The following CIB1 variants were observed in gnomAD, a reference collection of about 807,000 sequenced individuals.
The protein encoded by CIB1 is calcium and integrin-binding protein 1.
Under a neutral mutation model 25.0 loss-of-function variants are expected in CIB1, and 19 were observed. The observed-to-expected ratio is 0.76, with a 90% CI of 0.53 to 1.12. CIB1 has a LOEUF of 1.12. CIB1 is among the 50% of genes most tolerant of loss of function. The probability of loss-of-function intolerance (pLI) is 0.00; values close to 1 mark genes in which losing one functional copy is unlikely to be tolerated. For synonymous variants in CIB1, 104 were observed against 98.5 expected (o/e 1.06, Z -0.33); for missense variants, 236 against 242.6 (o/e 0.97, Z 0.18).
the CIB1 span, among the ~76,000 whole-genome samples, chr15:90,256,545 T>TTTTCTTTCTTTCTTTCTTTCTTTCTTTCC: frequency 9.5e-6 from 1 of 105,392 alleles, no homozygotes; most frequent in African/African-American, 3.2e-5. Flanking sequence ...TCTCCTTCCT[T>TTTTCTTTCTTTCTTTCTTTCTTTCTTTCC]TTTCTTTCTT....
the CIB1 span, among the ~76,000 whole-genome samples, chr15:90,253,898 T>C: frequency 3.9e-5 from 6 of 152,072 alleles, no homozygotes; most frequent in Admixed American, 6.5e-5. Flanking sequence ...TTTAAAAGAG[T>C]CTGCAGGCTT....
the CIB1 span, chr15:90,265,463 G>A: frequency 7.3e-7 from 1 of 1,366,102 alleles, no homozygotes; most frequent in Non-Finnish European, 9.4e-7. Flanking sequence ...TTTAATTAAA[G>A]TTTATGCAGT....
intron 1 of CIB1, 24 bp from the exon 2 acceptor site, chr15:90,233,727 G>T: frequency 6.4e-7 from 1 of 1,565,010 alleles, no homozygotes; most frequent in Non-Finnish European, 8.7e-7. Flanking sequence ...CCAGAGCGGG[G>T]ATTAGCGGAC....
At chr15:90,248,718 C>CAAAAAAAAAAAAAAAAAAAAAAAAA in the CIB1 span, among the ~76,000 whole-genome samples, 1 of 27,766 alleles carries the variant, frequency 3.6e-5, no homozygotes, top group African/African-American at 1.3e-4. Flanking sequence ...GACCCTGTCT[C>CAAAAAAAAAAAAAAAAAAAAAAAAA]AAAAAAAAAA....
upstream of CIB1, chr15:90,236,046 C>CT (rs971041424): frequency 1.3e-4 from 19 of 151,304 alleles, no homozygotes; most frequent in South Asian, 4.2e-4. Flanking sequence ...TATCTGTCTT[C>CT]TTTTTTTTTG....
chr15:90,236,953 T>C (rs1177855739), upstream of CIB1, among the ~76,000 whole-genome samples: 2 of 151,566 alleles, frequency 1.3e-5, no homozygotes, highest in African/African-American at 2.4e-5. Context: ...GATATACTTT[T>C]ATTTTTTATT....
chr15:90,258,748 C>G, the CIB1 span: 4 of 1,614,054 alleles, frequency 2.5e-6, no homozygotes, highest in Non-Finnish European at 2.5e-6. Flanking sequence ...GGCAGGTAAA[C>G]CACTCTCCAA....
chr15:90,244,818 CAAAAT>C, the CIB1 span: 7 of 152,082 alleles, frequency 4.6e-5, no homozygotes, highest in African/African-American at 1.7e-4. Context: ...GACTCAGTCT[CAAAAT>C]AAATAAATAC....
the CIB1 span, among the ~76,000 whole-genome samples, chr15:90,239,747 T>C: frequency 4.6e-5 from 7 of 152,218 alleles, no homozygotes; most frequent in African/African-American, 1.7e-4. Flanking sequence ...TCACTCTTAT[T>C]GTCCAGGCTG....
the CIB1 span, among the ~76,000 whole-genome samples, chr15:90,250,038 A>T: frequency 1.3e-5 from 2 of 149,608 alleles, no homozygotes; most frequent in Admixed American, 6.7e-5. Context: ...GCTCACTGCA[A>T]CCTCCACCTC....
At chr15:90,256,606 T>TTTCTTTCTTTCTTTCTTTCC in the CIB1 span, among the ~76,000 whole-genome samples, 7 of 30,508 alleles carry the variant, frequency 2.3e-4, 1 homozygote, top group Admixed American at 8.3e-4. Flanking sequence ...TCTTTCTTTC[T>TTTCTTTCTTTCTTTCTTTCC]TTCCTTCCTT....
At chr15:90,230,571 C>G in intron 6 of CIB1, 66 bp from the exon 7 acceptor site, 1 of 1,501,024 alleles carries the variant, frequency 6.7e-7, no homozygotes, top group South Asian at 1.2e-5. Context: ...CCCGAACTTG[C>G]CCCCTTCTCC....
At chr15:90,233,971 G>A (rs1009107541), upstream of CIB1, 4 of 1,380,254 alleles carry the variant, frequency 2.9e-6, no homozygotes, top group Admixed American at 3.0e-5. Flanking sequence ...GTCACTGCCC[G>A]GTCCCCGCGG....
At chr15:90,237,533 G>A (rs762414005), upstream of CIB1, among the ~76,000 whole-genome samples, 15 of 151,866 alleles carry the variant, frequency 9.9e-5, no homozygotes, top group Non-Finnish European at 1.9e-4. Flanking sequence ...ATTCACCTGC[G>A]TCAGCCTCCC....
At chr15:90,240,132 A>G in the CIB1 span, among the ~76,000 whole-genome samples, 5 of 150,692 alleles carry the variant, frequency 3.3e-5, no homozygotes, top group East Asian at 9.7e-4. Context: ...CTGAGGCCAG[A>G]GAATCGCTTG....
At chr15:90,242,907 T>A in the CIB1 span, 1 of 152,132 alleles carries the variant, frequency 6.6e-6, no homozygotes, top group Non-Finnish European at 1.5e-5. Context: ...AAGATAATGG[T>A]CTCTTTAAAG....
At chr15:90,253,185 T>C in the CIB1 span, 1 of 1,399,140 alleles carries the variant, frequency 7.1e-7, no homozygotes, top group African/African-American at 1.4e-5. Flanking sequence ...CTGACCCAGC[T>C]ACACAGTTCC....
At chr15:90,261,988 T>C in the CIB1 span, 3 of 1,522,736 alleles carry the variant, frequency 2.0e-6, no homozygotes, top group African/African-American at 4.1e-5. Flanking sequence ...CTTGACTCAC[T>C]GAGCTTGCTT....
the CIB1 span, among the ~76,000 whole-genome samples, chr15:90,240,440 G>A: frequency 1.1e-4 from 16 of 148,522 alleles, no homozygotes; most frequent in Non-Finnish European, 1.9e-4. Flanking sequence ...CCCAGGAGGT[G>A]GAGGTTGCAG....
Sources: gnomAD v4.1 joint callset for allele counts (sites outside exome capture counted in the v4.1 genomes callset) on GRCh38, gnomAD v4.1.1 for gene constraint, MANE v1.5 for transcripts, NCBI Gene and HGNC (gene_info 2026-07-23, HGNC 2026-07-21) for gene names.